The following DLG2 variants were observed in gnomAD, a reference collection of about 807,000 sequenced individuals.
DLG2 encodes discs large MAGUK scaffold protein 2.
DLG2 carries 45 observed loss-of-function variants against 132.5 expected under a neutral mutation model. The ratio of observed to expected loss-of-function variants is 0.34; its 90% CI spans 0.27 to 0.44. The LOEUF is 0.44. Among genes scored for constraint, DLG2 ranks in the 20% least tolerant of loss-of-function variants. DLG2 has a pLI of 1.00. For synonymous variants in DLG2, 424 were observed against 419.6 expected, an observed-to-expected ratio of 1.01 and a Z score of -0.13; for missense variants, 1,045 against 1,196.9, an observed-to-expected ratio of 0.87 and a Z score of 1.87.
At chr11:84,084,385 G>C (rs1482511193) in intron 10 of DLG2, among the ~76,000 whole-genome samples, 3 of 152,186 alleles carry the variant, frequency 2.0e-5, no homozygotes, top group African/African-American at 7.2e-5. Context: ...CCTTTGGAAT[G>C]GAAGTAGGGA....
At chr11:84,188,330 C>T (rs1360430748) in intron 8 of DLG2, among the ~76,000 whole-genome samples, 1 of 152,126 alleles carries the variant, frequency 6.6e-6, no homozygotes, top group Non-Finnish European at 1.5e-5. Flanking sequence ...CAATTACAGT[C>T]ACATTTTTAA....
chr11:83,655,103 T>A (rs2071947874), intron 18 of DLG2, among the ~76,000 whole-genome samples: 1 of 152,238 alleles, frequency 6.6e-6, no homozygotes, highest in Non-Finnish European at 1.5e-5. Context: ...CTTTTCTCCA[T>A]CTTGGCATTT....
At chr11:84,734,692 G>A (rs2063596553) in intron 6 of DLG2, among the ~76,000 whole-genome samples, 2 of 152,158 alleles carry the variant, frequency 1.3e-5, no homozygotes, top group East Asian at 1.9e-4. Context: ...GGAGTGGTGA[G>A]AGAGGGCATC....
chr11:85,616,692 C>T (rs7945060), intron 2 of DLG2, among the ~76,000 whole-genome samples: 9 of 151,958 alleles, frequency 5.9e-5, no homozygotes, highest in African/African-American at 1.5e-4. Context: ...CCCTTCACAG[C>T]GTAGAAAAAA....
At chr11:84,718,833 T>C (rs1264632949) in intron 6 of DLG2, among the ~76,000 whole-genome samples, 2 of 152,220 alleles carry the variant, frequency 1.3e-5, no homozygotes, top group Non-Finnish European at 2.9e-5. Context: ...CTGACAGTGA[T>C]GAACACACAA....
At chr11:84,934,510 T>G (rs1034564215) in intron 6 of DLG2, among the ~76,000 whole-genome samples, 12 of 79,372 alleles carry the variant, frequency 1.5e-4, no homozygotes, top group South Asian at 7.9e-4. Context: ...GGGTGTTTTT[T>G]TTTTGTTTTG....
chr11:85,296,860 T>G (rs1056759562), intron 3 of DLG2, among the ~76,000 whole-genome samples: 22 of 150,092 alleles, frequency 1.5e-4, no homozygotes, highest in African/African-American at 5.3e-4. Context: ...TAATAAAATT[T>G]TATTATAATT....
intron 20 of DLG2, among the ~76,000 whole-genome samples, chr11:83,536,333 T>A (rs1392251656): frequency 6.6e-6 from 1 of 152,164 alleles, no homozygotes; most frequent in East Asian, 1.9e-4. Context: ...TTGATCCATC[T>A]CCTCAGCACA....
At chr11:85,136,522 T>A (rs1297918291) in intron 5 of DLG2, among the ~76,000 whole-genome samples, 2 of 152,198 alleles carry the variant, frequency 1.3e-5, no homozygotes, top group Non-Finnish European at 2.9e-5. Context: ...GGCCTGTGAT[T>A]TTCACAAGAA....
At chr11:85,574,687 C>T (rs916067336) in intron 3 of DLG2, among the ~76,000 whole-genome samples, 8 of 152,030 alleles carry the variant, frequency 5.3e-5, no homozygotes, top group Non-Finnish European at 7.4e-5. Context: ...GAGTCTGGGA[C>T]CCACCCCTCG....
intron 20 of DLG2, among the ~76,000 whole-genome samples, chr11:83,536,745 T>C (rs895619453): frequency 1.3e-5 from 2 of 152,126 alleles, no homozygotes; most frequent in Non-Finnish European, 2.9e-5. Flanking sequence ...GTTGAATGAG[T>C]AAATAAATAA....
intron 6 of DLG2, among the ~76,000 whole-genome samples, chr11:84,559,317 G>C (rs866696871): frequency 3.9e-5 from 6 of 152,074 alleles, no homozygotes; most frequent in Non-Finnish European, 7.4e-5. Context: ...CTGCCATGAA[G>C]AGGTAAGCCA....
At chr11:85,233,223 C>G (rs750047963) in intron 4 of DLG2, among the ~76,000 whole-genome samples, 1 of 151,574 alleles carries the variant, frequency 6.6e-6, no homozygotes, top group Admixed American at 6.6e-5. Flanking sequence ...TTGAGGTCTG[C>G]GTATTGTTTT....
intron 6 of DLG2, among the ~76,000 whole-genome samples, chr11:84,824,778 G>A (rs569142932): frequency 6.6e-6 from 1 of 151,832 alleles, no homozygotes; most frequent in East Asian, 2.0e-4. Context: ...TGTGGCTCAG[G>A]CTTAAGTGTC....
At chr11:85,268,905 T>C (rs906763681) in intron 4 of DLG2, among the ~76,000 whole-genome samples, 3 of 152,200 alleles carry the variant, frequency 2.0e-5, no homozygotes, top group Non-Finnish European at 4.4e-5. Flanking sequence ...GGTTTCAAAA[T>C]TACAACTAAC....
At chr11:83,745,152 A>T (rs370969852) in intron 18 of DLG2, among the ~76,000 whole-genome samples, 2 of 152,166 alleles carry the variant, frequency 1.3e-5, no homozygotes, top group African/African-American at 4.8e-5. Flanking sequence ...TTTTTACAGG[A>T]TTTAAACCCC....
chr11:84,526,272 C>A (rs889273332), intron 7 of DLG2, among the ~76,000 whole-genome samples: 1 of 152,152 alleles, frequency 6.6e-6, no homozygotes, highest in African/African-American at 2.4e-5. Flanking sequence ...AGCACTCATT[C>A]ATACCTTTAT....
chr11:84,283,160 C>A (rs907553349), intron 7 of DLG2, among the ~76,000 whole-genome samples: 3 of 152,164 alleles, frequency 2.0e-5, no homozygotes, highest in Non-Finnish European at 4.4e-5. Context: ...ACAACTGACA[C>A]TAAAATTATA....
At chr11:84,673,059 G>T (rs1428645895) in intron 6 of DLG2, among the ~76,000 whole-genome samples, 1 of 151,830 alleles carries the variant, frequency 6.6e-6, no homozygotes. Flanking sequence ...GCACCAAGGG[G>T]GAAATTGACC....
Sources: allele counts gnomAD v4.1 joint callset (sites outside exome capture counted in the v4.1 genomes callset), GRCh38; gene constraint gnomAD v4.1.1; transcripts MANE v1.5; gene names NCBI Gene and HGNC (gene_info 2026-07-23, HGNC 2026-07-21).